TNFRSF11A: variants seen among roughly 807,000 people sequenced by gnomAD.
The protein encoded by TNFRSF11A is tumor necrosis factor receptor superfamily member 11A.
Under a neutral mutation model 55.7 loss-of-function variants are expected in TNFRSF11A, and 32 were observed. That is an observed-to-expected ratio of 0.57 (90% CI 0.43 to 0.77). The LOEUF (loss-of-function observed/expected upper bound fraction) is 0.77. TNFRSF11A is among the 30% of genes least tolerant of loss of function. The pLI is 0.00. For synonymous variants in TNFRSF11A, 311 were observed against 331.0 expected (o/e 0.94, Z 0.65); for missense variants, 753 against 809.8 (o/e 0.93, Z 0.85).
At position 62,389,628 on chromosome 18, in the gene TNFRSF11A, T is replaced by C. The variant is rs903883795; in HGVS notation, c.*4594T>C. 6.9e-6 allele frequency: 1 copy of C among 145,492 alleles called. No homozygotes were observed. Among genetic ancestry groups the C allele is most frequent in the African/African-American group, 2.4e-5 (1 of 41,176 alleles). 9.0% of individuals were successfully genotyped at this position (145,492 alleles called of 1,614,324 possible). On this transcript the variant is annotated 3_prime_UTR_variant, in exon 10 of 10. Transcript: ENST00000586569. ...CCAGTTTTCTCTCTTCCTACCTCCC[T>C]CTTACCCAGTTATCCTGACCCCAGG...
intron 1 of TNFRSF11A, among the ~76,000 whole-genome samples, chr18:62,346,888 C>G (rs193258750): frequency 5.9e-5 from 9 of 152,302 alleles, no homozygotes; most frequent in Admixed American, 2.6e-4. Context: ...ACACTGGGCT[C>G]CAGCTGGACT....
chr18:62,362,650 A>G (rs1213897315), intron 7 of TNFRSF11A, among the ~76,000 whole-genome samples: 1 of 152,142 alleles, frequency 6.6e-6, no homozygotes, highest in Non-Finnish European at 1.5e-5. Flanking sequence ...ACATCACGTC[A>G]TGTTTAACTT....
intron 9 of TNFRSF11A, among the ~76,000 whole-genome samples, chr18:62,384,205 T>A (rs1351394024): frequency 1.3e-5 from 2 of 152,208 alleles, no homozygotes; most frequent in Non-Finnish European, 2.9e-5. Flanking sequence ...AGCATGAGTC[T>A]GCCCCTAGGC....
intron 9 of TNFRSF11A, among the ~76,000 whole-genome samples, chr18:62,380,008 C>T (rs149099773): frequency 7.2e-5 from 11 of 152,192 alleles, no homozygotes; most frequent in African/African-American, 2.4e-4. Context: ...AGTAATGCTC[C>T]TAAGAGTTGC....
chr18:62,331,011 C>G (rs2046143655), intron 1 of TNFRSF11A: 1 of 152,166 alleles, frequency 6.6e-6, no homozygotes, highest in East Asian at 1.9e-4. Context: ...TGAGACCAGC[C>G]CGACCAACAT....
intron 4 of TNFRSF11A, among the ~76,000 whole-genome samples, chr18:62,354,926 C>G (rs1177136566): frequency 6.6e-6 from 1 of 152,130 alleles, no homozygotes; most frequent in African/African-American, 2.4e-5. Flanking sequence ...CACCCCAGCA[C>G]GTTTTTAAGT....
intron 3 of TNFRSF11A, among the ~76,000 whole-genome samples, 161 bp downstream of exon 3, chr18:62,350,098 G>C (rs1278698969): frequency 1.3e-5 from 2 of 152,026 alleles, no homozygotes; most frequent in East Asian, 3.9e-4. Flanking sequence ...GATCCCCAAG[G>C]CCTCTGTTAA....
chr18:62,349,588 G>A (rs942618514), intron 2 of TNFRSF11A, among the ~76,000 whole-genome samples: 1 of 152,182 alleles, frequency 6.6e-6, no homozygotes, highest in East Asian at 1.9e-4. Context: ...CCCAGGTGGG[G>A]TTATTTCAGC....
chr18:62,358,196 G>A (rs549404558), intron 4 of TNFRSF11A, 52 bp from the exon 5 acceptor site: 14 of 1,559,744 alleles, frequency 9.0e-6, no homozygotes, highest in Admixed American at 3.4e-5. Flanking sequence ...AAGTGACCTC[G>A]TTTGTTTTTT....
chr18:62,327,580 G>A (rs932575406), intron 1 of TNFRSF11A, among the ~76,000 whole-genome samples: 5 of 152,142 alleles, frequency 3.3e-5, no homozygotes, highest in African/African-American at 1.2e-4. Flanking sequence ...TGCTTGTTTG[G>A]CCAGCCTATT....
At chr18:62,377,774 T>G (rs1209656514) in intron 9 of TNFRSF11A, among the ~76,000 whole-genome samples, 1 of 152,230 alleles carries the variant, frequency 6.6e-6, no homozygotes, top group Admixed American at 6.5e-5. Context: ...GAGTTCCTTG[T>G]TTATTTTGGG....
At position 62,388,033 on chromosome 18, in the gene TNFRSF11A, T is replaced by G. The variant is rs1368253732; in HGVS notation, c.*2999T>G. On this transcript the variant is annotated 3_prime_UTR_variant, in exon 10 of 10. Coordinates refer to ENST00000586569, the MANE Select transcript of TNFRSF11A (RefSeq NM_003839.4). Reference sequence around the variant, plus strand: ...CAGGAGGCTGAGGCAGGAGGATGCTTGAGTCCAGGAGTTCAAGGTTACTGT... The same window carrying G: ...CAGGAGGCTGAGGCAGGAGGATGCTGGAGTCCAGGAGTTCAAGGTTACTGT... 1.3e-5 allele frequency: 2 copies of G among 152,378 alleles called. No individual in the cohort carries two copies. Among genetic ancestry groups the G allele is most frequent in the African/African-American group, 4.8e-5 (2 of 41,430 alleles). The allele number at this position is 152,378 out of a possible 1,614,324, so 9.4% of individuals were successfully genotyped here.
chr18:62,339,284 A>G (rs971883869), intron 1 of TNFRSF11A, among the ~76,000 whole-genome samples: 8 of 151,598 alleles, frequency 5.3e-5, no homozygotes, highest in African/African-American at 1.9e-4. Context: ...CGAGTCTCCC[A>G]TTTGCTCTGT....
chr18:62,361,993 A>G (rs916385485), intron 7 of TNFRSF11A, among the ~76,000 whole-genome samples, 200 bp downstream of exon 7: 10 of 152,208 alleles, frequency 6.6e-5, no homozygotes, highest in Non-Finnish European at 1.0e-4. Context: ...CTAGTTGTAT[A>G]TAAGGGAACA....
At chr18:62,345,202 G>C (rs1003709367) in intron 1 of TNFRSF11A, among the ~76,000 whole-genome samples, 5 of 152,136 alleles carry the variant, frequency 3.3e-5, no homozygotes. Context: ...TGTGTGGGGA[G>C]GAAAAGGGTC....
At chr18:62,371,592 C>T (rs1910554215) in intron 9 of TNFRSF11A, among the ~76,000 whole-genome samples, 2 of 152,114 alleles carry the variant, frequency 1.3e-5, no homozygotes, top group Admixed American at 6.5e-5. Context: ...GGTGCTTAGC[C>T]ATGCAAAACA....
chr18:62,366,180 G>T lies in TNFRSF11A; in HGVS notation c.731-528G>T, dbSNP rs192152799. On this transcript the variant is annotated intron_variant, in intron 7 of 9. Transcript: ENST00000586569. Reference sequence around the variant, plus strand: ...GCTTTCACTCCCAGGAGTGCTCACTGAAAGACTTGCGGTGGACTCTGTTGA... The same window carrying T: ...GCTTTCACTCCCAGGAGTGCTCACTTAAAGACTTGCGGTGGACTCTGTTGA... Among the ~76,000 whole-genome samples the T allele has an allele frequency of 1.2e-4, 18 of 152,344 alleles. No homozygotes were observed. In the East Asian group the frequency reaches 3.1e-3, roughly 26 times the overall value.
At chr18:62,349,049 G>C (rs1309555517) in intron 2 of TNFRSF11A, among the ~76,000 whole-genome samples, 1 of 152,184 alleles carries the variant, frequency 6.6e-6, no homozygotes, top group Non-Finnish European at 1.5e-5. Context: ...CAGATGGAAG[G>C]CAGAGGGGAG....
At chr18:62,336,684 C>G (rs1420673154) in intron 1 of TNFRSF11A, 1 of 152,224 alleles carries the variant, frequency 6.6e-6, no homozygotes, top group South Asian at 2.1e-4. Flanking sequence ...AGGGGTGCAT[C>G]GTAACATAAG....
Sources: gnomAD v4.1 joint callset for allele counts (sites outside exome capture counted in the v4.1 genomes callset) on GRCh38, gnomAD v4.1.1 for gene constraint, MANE v1.5 for transcripts, NCBI Gene and HGNC (gene_info 2026-07-23, HGNC 2026-07-21) for gene names.